Variants in CPOX observed in about 807,000 individuals in gnomAD.
CPOX encodes the protein oxygen-dependent coproporphyrinogen-III oxidase, mitochondrial.
CPOX carries 24 observed loss-of-function variants against 48.9 expected under a neutral mutation model. That is an observed-to-expected ratio of 0.49 (90% CI 0.36 to 0.69). CPOX has a LOEUF of 0.69. Ranked by LOEUF, CPOX falls within the 30% of genes least tolerant of loss-of-function variation. CPOX has a pLI of 0.00. For synonymous variants in CPOX, 249 were observed against 234.6 expected, an observed-to-expected ratio of 1.06 and a Z score of -0.56; for missense variants, 549 against 597.3, an observed-to-expected ratio of 0.92 and a Z score of 0.84.
In CPOX at chr3:98,582,360, C is replaced by T. The variant is rs144869589; in HGVS notation, c.1173-849G>A. Among the ~76,000 whole-genome samples, 254 of 152,318 alleles carry T rather than the reference C, an allele frequency of 1.7e-3. 1 individual carries two copies. Among genetic ancestry groups the T allele is most frequent in the African/African-American group, 5.9e-3 (245 of 41,570 alleles). On this transcript the variant is annotated intron_variant, in intron 5 of 6. Transcript: ENST00000647941. Reference sequence around the variant, plus strand: ...TCAATAAACAGTGCCCCTTTCAGATCATTTCTTATCTTATTCAGAAATTAC... The same window carrying T: ...TCAATAAACAGTGCCCCTTTCAGATTATTTCTTATCTTATTCAGAAATTAC...
chr3:98,573,581 A>C, the CPOX span, among the ~76,000 whole-genome samples: 1 of 151,944 alleles, frequency 6.6e-6, no homozygotes, highest in African/African-American at 2.4e-5. Context: ...CTGCCAAAAA[A>C]AAACAAACAA....
chr3:98,572,032 T>C, the CPOX span, among the ~76,000 whole-genome samples: 1 of 152,204 alleles, frequency 6.6e-6, no homozygotes, highest in Non-Finnish European at 1.5e-5. Flanking sequence ...TTGTCTCTAT[T>C]TTCAGGGTTC....
Position 98,581,409 on chromosome 3 carries a change from G to A in CPOX, c.1275C>T (p.Ala425=). The A allele has an allele frequency of 6.2e-7, 1 of 1,608,660 alleles. No homozygotes were observed. The highest frequency in any genetic ancestry group is 8.5e-7 in the Non-Finnish European group (1 of 1,175,204). ...ACTAAAATGAGTTATCTCCTTACCGGGCAGTTAGAGGTAAAGACATCAAGA... is the reference window on the plus strand; with the variant it reads ...ACTAAAATGAGTTATCTCCTTACCGAGCAGTTAGAGGTAAAGACATCAAGA... ...ESILMSLPLT[A]RWEYMHSPSE... The change falls in exon 6 of 7, where the codon GCC becomes GCT. Residue 425 remains alanine, a splice_region_variant and synonymous_variant. Transcript: ENST00000647941.
chr3:98,576,248 G>A (rs1001289957), downstream of CPOX, among the ~76,000 whole-genome samples: 1 of 152,156 alleles, frequency 6.6e-6, no homozygotes, highest in Non-Finnish European at 1.5e-5. Context: ...TACAATCATG[G>A]CAGAAGGCAA....
chr3:98,580,911 T>C (rs150065404), intron 6 of CPOX, 141 bp from the exon 7 acceptor site: 106 of 1,000,904 alleles, frequency 1.1e-4, no homozygotes, highest in Non-Finnish European at 1.4e-4. Context: ...GTGCCTGATG[T>C]GCCTTGTACC....
chr3:98,579,488 A>T lies in CPOX; in HGVS notation c.*1195T>A, dbSNP rs1203667476. ...TAAAATTTATTAGCAGATCTCTTGT[A>T]AGACAGTTGAAGAATTCATACATTT... On this transcript the variant is annotated 3_prime_UTR_variant, in exon 7 of 7. Coordinates refer to ENST00000647941, the MANE Select transcript of CPOX (RefSeq NM_000097.7). The T allele has an allele frequency of 1.1e-6, 1 of 907,790 alleles. No homozygotes were observed. Among genetic ancestry groups the T allele is most frequent in the African/African-American group, 1.8e-5 (1 of 55,374 alleles). 56.2% of individuals were successfully genotyped at this position (907,790 alleles called of 1,614,324 possible).
downstream of CPOX, among the ~76,000 whole-genome samples, chr3:98,576,127 A>G: frequency 6.7e-6 from 1 of 149,498 alleles, no homozygotes; most frequent in Admixed American, 6.7e-5. Context: ...CTGTGAGTGC[A>G]TTATTCTGTT....
At chr3:98,586,771 C>T (rs1057314433) in intron 4 of CPOX, among the ~76,000 whole-genome samples, 7 of 152,036 alleles carry the variant, frequency 4.6e-5, no homozygotes, top group African/African-American at 1.7e-4. Flanking sequence ...GGTGAAACCC[C>T]GTCTCCACTA....
At chr3:98,582,310 T>C (rs530462670) in intron 5 of CPOX, among the ~76,000 whole-genome samples, 1 of 152,288 alleles carries the variant, frequency 6.6e-6, no homozygotes, top group East Asian at 1.9e-4. Flanking sequence ...CAAAAGAATT[T>C]AGACTGATTC....
At chr3:98,584,546 C>A (rs1252810731) in intron 5 of CPOX, among the ~76,000 whole-genome samples, 4 of 152,210 alleles carry the variant, frequency 2.6e-5, no homozygotes, top group African/African-American at 9.7e-5. Context: ...AAGTTGACCT[C>A]TTTAAGGCAA....
downstream of CPOX, among the ~76,000 whole-genome samples, chr3:98,577,489 G>A (rs1276632168): frequency 6.6e-6 from 1 of 152,142 alleles, no homozygotes; most frequent in Non-Finnish European, 1.5e-5. Context: ...TTCAAAGGGG[G>A]ACTCAACAGG....
intron 1 of CPOX, among the ~76,000 whole-genome samples, chr3:98,591,996 T>TATATATATATATATATATGTATATGG (rs1559679837): frequency 2.1e-4 from 3 of 14,166 alleles, no homozygotes; most frequent in African/African-American, 1.0e-3. Context: ...TATATGGATA[T>TATATATATATATATATATGTATATGG]ATATATATAT....
chr3:98,579,807 A>G lies in CPOX; in HGVS notation c.*876T>C. On this transcript the variant is annotated 3_prime_UTR_variant, in exon 7 of 7. Coordinates refer to ENST00000647941, the MANE Select transcript of CPOX (RefSeq NM_000097.7). ...CTCATACTATATATACTTGCTTTAA[A>G]GAAGGAAATTATTTCTCATTTCATT... 1.0e-6 allele frequency: 1 copy of G among 985,530 alleles called. No homozygotes were observed. The highest frequency in any genetic ancestry group is 1.7e-5 in the African/African-American group (1 of 57,364). 61.0% of individuals were successfully genotyped at this position (985,530 alleles called of 1,614,324 possible). A position where few individuals can be genotyped will look rare whatever the true frequency, so the allele number is the denominator to read the frequency against.
At position 98,580,526 on chromosome 3, in the gene CPOX, G is replaced by A. The variant is rs534296593; in HGVS notation, c.*157C>T. On this transcript the variant is annotated 3_prime_UTR_variant, in exon 7 of 7. Coordinates refer to ENST00000647941, the MANE Select transcript of CPOX (RefSeq NM_000097.7). ...GCCATCTCACCATTCATCACTGACAGCATCCAAAACATGTTATCATCTGCC... is the reference window on the plus strand; with the variant it reads ...GCCATCTCACCATTCATCACTGACAACATCCAAAACATGTTATCATCTGCC... The A allele has an allele frequency of 4.7e-6, 7 of 1,484,176 alleles. No individual in the cohort carries two copies. The Admixed American group carries it at 1.6e-4, about 34-fold the overall frequency. 91.9% of individuals were successfully genotyped at this position (1,484,176 alleles called of 1,614,324 possible). A position where few individuals can be genotyped will look rare whatever the true frequency, so the allele number is the denominator to read the frequency against.
rs115030377 is a variant in CPOX, at chr3:98,593,559, C to G, written c.-55G>C. The G allele has an allele frequency of 1.8e-3, 2,634 of 1,479,040 alleles. 45 individuals carry two copies. In the African/African-American group the frequency reaches 0.033, roughly 18 times the overall value. The allele number at this position is 1,479,040 out of a possible 1,614,324, so 91.6% of individuals were successfully genotyped here. A position where few individuals can be genotyped will look rare whatever the true frequency, so the allele number is the denominator to read the frequency against. On this transcript the variant is annotated 5_prime_UTR_variant, in exon 1 of 7. Transcript: ENST00000647941. ...TGCGTCCCAGAGCCCTGCGTTTGAG[C>G]CCCCCACCCAGACCCCCGGAGTATT...
At chr3:98,573,075 C>T in the CPOX span, among the ~76,000 whole-genome samples, 4 of 152,192 alleles carry the variant, frequency 2.6e-5, no homozygotes, top group Non-Finnish European at 1.5e-5. Context: ...ATTGAATACA[C>T]ACATTTAGAT....
In CPOX at chr3:98,585,421, T is replaced by C. The variant is rs754641690; in HGVS notation, c.1172+20A>G. ...CCTCCCCCACTTAGCCATGAAAGAA[T>C]TCGTTTTCCAGTCACTTACCGTCCT... is the stretch of plus-strand genomic sequence containing the variant. On this transcript the variant is annotated intron_variant, in intron 5 of 6. Transcript: ENST00000647941. 3.0e-5 allele frequency: 48 copies of C among 1,600,244 alleles called. No individual in the cohort carries two copies. In the South Asian group the frequency reaches 3.6e-4, roughly 12 times the overall value.
rs1707528429 is a variant in CPOX, at chr3:98,593,430, G to C, written c.75C>G (p.Arg25=). The change falls in exon 1 of 7, where the codon CGC becomes CGG. Residue 25 remains arginine (R), a synonymous_variant. Transcript: ENST00000647941. ...LVARGGCGGP[R]AWSQCGGGGL... ...CTCCGCCGCCGCACTGGGACCAGGC[G>C]CGGGGCCCTCCGCAGCCGCCCCGCG... The C allele has an allele frequency of 1.4e-6, 2 of 1,480,922 alleles. No homozygotes were observed. The highest frequency in any genetic ancestry group is 2.9e-5 in the East Asian group (1 of 35,054). The allele number at this position is 1,480,922 out of a possible 1,614,324, so 91.7% of individuals were successfully genotyped here.
At chr3:98,582,071 T>TA (rs1399798869) in intron 5 of CPOX, among the ~76,000 whole-genome samples, 6 of 152,252 alleles carry the variant, frequency 3.9e-5, no homozygotes, top group Admixed American at 3.9e-4. Context: ...AGCAGTCATA[T>TA]AATTCAGTCT....
Sources: gnomAD v4.1 joint callset for allele counts (sites outside exome capture counted in the v4.1 genomes callset) on GRCh38, gnomAD v4.1.1 for gene constraint, MANE v1.5 for transcripts, NCBI Gene and HGNC (gene_info 2026-07-23, HGNC 2026-07-21) for gene names.